The following BCAS1 variants were observed in gnomAD, a reference collection of about 807,000 sequenced individuals.
The protein encoded by BCAS1 is breast carcinoma-amplified sequence 1.
BCAS1 carries 46 observed loss-of-function variants against 65.4 expected under a neutral mutation model. The ratio of observed to expected loss-of-function variants is 0.70; its 90% confidence interval spans 0.55 to 0.90. The LOEUF is 0.90. BCAS1 is among the 40% of genes least tolerant of loss of function. The pLI is 0.00. For synonymous variants in BCAS1, 298 were observed against 293.5 expected (o/e 1.02, Z -0.16); for missense variants, 793 against 771.2 (o/e 1.03, Z -0.33).
chr20:53,960,824 A>T (rs2145578384), intron 10 of BCAS1, among the ~76,000 whole-genome samples: 1 of 152,324 alleles, frequency 6.6e-6, no homozygotes, highest in East Asian at 1.9e-4. Context: ...AACCATAAAC[A>T]TAGAAACTTA....
rs770834027 is a variant in BCAS1, at chr20:53,944,785, C to T, written c.*137G>A. The T allele has an allele frequency of 6.8e-5, 57 of 836,736 alleles. No individual in the cohort carries two copies. In the African/African-American group the frequency reaches 8.6e-4, roughly 13 times the overall value. The allele number at this position is 836,736 out of a possible 1,614,324, so 51.8% of individuals were successfully genotyped here. Reference sequence around the variant, plus strand: ...TAATACACCTCAATATACAACAGCTCGGGCTTAATTTCTAGGCAGAATTTC... The same window carrying T: ...TAATACACCTCAATATACAACAGCTTGGGCTTAATTTCTAGGCAGAATTTC... On this transcript the variant is annotated 3_prime_UTR_variant, in exon 13 of 13. Coordinates refer to ENST00000688948, the MANE Select transcript of BCAS1 (RefSeq NM_001366298.2).
Position 53,944,949 on chromosome 20 carries a change from G to A in BCAS1, c.1863C>T (p.Ser621=), listed in dbSNP as rs1422546804. The change falls in exon 13 of 13, where the codon TCC becomes TCT. Residue 621 remains serine, a synonymous_variant. Transcript: ENST00000688948. ...ACTTGGATTTGCCAACTGGTCCGAT[G>A]GATACTGGGTCTGTTTGCACTTGAG... ...LDAQVQTDPV[S]IGPVGKSK The A allele has an allele frequency of 1.2e-6, 2 of 1,613,962 alleles. No individual in the cohort carries two copies. The highest frequency in any genetic ancestry group is 2.2e-5 in the East Asian group (1 of 44,882).
At chr20:53,951,775 T>G (rs867830214) in intron 12 of BCAS1, among the ~76,000 whole-genome samples, 8 of 152,340 alleles carry the variant, frequency 5.3e-5, no homozygotes, top group Admixed American at 1.3e-4. Context: ...CATTCTTGCT[T>G]TACATCAACA....
chr20:54,021,280 A>G (rs989655801), intron 4 of BCAS1, among the ~76,000 whole-genome samples: 2 of 151,796 alleles, frequency 1.3e-5, no homozygotes, highest in African/African-American at 4.8e-5. Flanking sequence ...GTCCAATTCC[A>G]GGTCACTGCA....
intron 3 of BCAS1, among the ~76,000 whole-genome samples, chr20:54,036,179 T>C (rs1453146106): frequency 6.6e-6 from 1 of 150,732 alleles, no homozygotes; most frequent in Non-Finnish European, 1.5e-5. Flanking sequence ...CAAACCCCCA[T>C]GACACAAATT....
intron 1 of BCAS1, among the ~76,000 whole-genome samples, chr20:54,061,101 C>T (rs1029022271): frequency 6.6e-6 from 1 of 152,146 alleles, no homozygotes; most frequent in Non-Finnish European, 1.5e-5. Flanking sequence ...CTCATGTAGT[C>T]CTATAGCACT....
At chr20:54,068,278 T>A (rs1157618181) in intron 1 of BCAS1, 1 of 154,336 alleles carries the variant, frequency 6.5e-6, no homozygotes, top group African/African-American at 2.4e-5. Context: ...CGGATGGTAA[T>A]CCTAAAAATC....
chr20:54,028,729 G>A lies in BCAS1; in HGVS notation c.386C>T (p.Pro129Leu). The A allele has an allele frequency of 1.9e-6, 3 of 1,614,176 alleles. No homozygotes were observed. Among genetic ancestry groups the A allele is most frequent in the Non-Finnish European group, 1.7e-6 (2 of 1,180,028 alleles). Reference sequence around the variant, plus strand: ...GCTCTCACTTGGGTCTTTGTTCGCTGGAGCTTTATTGGAGCTGACATCAAG... The same window carrying A: ...GCTCTCACTTGGGTCTTTGTTCGCTAGAGCTTTATTGGAGCTGACATCAAG... ...VKLDVSSNKA[P>L]ANKDPSESWT... The change falls in exon 4 of 13, where the codon CCA becomes CTA. Residue 129 changes from proline to leucine, a missense_variant. Transcript: ENST00000688948.
intron 8 of BCAS1, among the ~76,000 whole-genome samples, chr20:53,981,146 CCT>C (rs1216629439): frequency 6.6e-6 from 1 of 152,092 alleles, no homozygotes; most frequent in Non-Finnish European, 1.5e-5. Flanking sequence ...CAGCATTTGC[CCT>C]GTTCCTAGTG....
intron 3 of BCAS1, among the ~76,000 whole-genome samples, chr20:54,035,179 G>A (rs2091875831): frequency 2.0e-5 from 3 of 150,960 alleles, no homozygotes; most frequent in Admixed American, 6.6e-5. Flanking sequence ...TTGGAAGGCC[G>A]AGGAGGGCGG....
At position 54,028,794 on chromosome 20, in the gene BCAS1, G is replaced by T. The variant is rs369178055; in HGVS notation, c.321C>A (p.Thr107=). 6.2e-7 allele frequency: 1 copy of T among 1,614,016 alleles called. No individual in the cohort carries two copies. The highest frequency in any genetic ancestry group is 1.7e-5 in the Admixed American group (1 of 60,000). The change falls in exon 4 of 13, where the codon ACC becomes ACA. Residue 107 remains threonine (T), a synonymous_variant. Coordinates refer to ENST00000688948, the MANE Select transcript of BCAS1 (RefSeq NM_001366298.2). ...GGGATGAATCTGCGGCTTGGTCTCC[G>T]GTACGTCCTGGTACAGGCCGAGAGA... The part of the protein sequence containing the change: ...LMLSRPVPGR[T]GDQAADSSLG...
intron 4 of BCAS1, among the ~76,000 whole-genome samples, chr20:54,022,213 A>C (rs1284766662): frequency 6.6e-6 from 1 of 152,078 alleles, no homozygotes; most frequent in Non-Finnish European, 1.5e-5. Flanking sequence ...GAACTCCCCT[A>C]CCTCTAGGGT....
In BCAS1 at chr20:54,028,184, C is replaced by G. The variant is rs534099835; in HGVS notation, c.723+208G>C. On this transcript the variant is annotated intron_variant, in intron 4 of 12. Transcript: ENST00000688948. ...CTTTTCTTTTACATAAAACAGATGCCACAGCTGTTATTGTTCTTCACACAG... is the reference window on the plus strand; with the variant it reads ...CTTTTCTTTTACATAAAACAGATGCGACAGCTGTTATTGTTCTTCACACAG... The G allele has an allele frequency of 1.3e-5, 8 of 598,906 alleles. No homozygotes were observed. In the East Asian group the frequency reaches 2.2e-4, roughly 17 times the overall value. 37.1% of individuals were successfully genotyped at this position (598,906 alleles called of 1,614,324 possible).
chr20:53,974,766 C>A (rs1047165762), intron 9 of BCAS1, among the ~76,000 whole-genome samples: 9 of 152,316 alleles, frequency 5.9e-5, no homozygotes, highest in African/African-American at 2.2e-4. Context: ...CTGGAAGCTA[C>A]GTTTTTGTGA....
chr20:54,028,384 AC>A lies in BCAS1; in HGVS notation c.723+7del. On this transcript the variant is annotated splice_region_variant and intron_variant, in intron 4 of 12. Transcript: ENST00000688948. ...CAGAACCAAGTGGATACACCTTGGC[AC>A]ACTTACCTTCCCTGCAGGGACATCA... 6.2e-7 allele frequency: 1 copy of A among 1,614,130 alleles called. No homozygotes were observed. Among genetic ancestry groups the A allele is most frequent in the Non-Finnish European group, 8.5e-7 (1 of 1,180,008 alleles).
chr20:54,056,859 T>C (rs1243758387), intron 3 of BCAS1, among the ~76,000 whole-genome samples: 5 of 152,216 alleles, frequency 3.3e-5, no homozygotes, highest in Admixed American at 3.3e-4. Flanking sequence ...TAGGAGCACT[T>C]ATTATCAGTC....
At chr20:53,969,964 G>C (rs1381950702) in intron 9 of BCAS1, among the ~76,000 whole-genome samples, 1 of 152,150 alleles carries the variant, frequency 6.6e-6, no homozygotes, top group African/African-American at 2.4e-5. Flanking sequence ...ATACTTTGGG[G>C]GTATAAAGTT....
intron 5 of BCAS1, 50 bp from the exon 6 acceptor site, chr20:53,995,106 G>A (rs753229902): frequency 6.7e-7 from 1 of 1,500,178 alleles, no homozygotes; most frequent in South Asian, 1.1e-5. Flanking sequence ...TCTTTAGAGT[G>A]ATTTTTATTT....
chr20:53,963,637 T>C (rs1368071861), intron 10 of BCAS1, among the ~76,000 whole-genome samples: 1 of 152,220 alleles, frequency 6.6e-6, no homozygotes, highest in East Asian at 1.9e-4. Context: ...ATCCAAAATT[T>C]GTCTGAAACG....
Sources: gnomAD v4.1 joint callset for allele counts (sites outside exome capture counted in the v4.1 genomes callset) on GRCh38, gnomAD v4.1.1 for gene constraint, MANE v1.5 for transcripts, NCBI Gene and HGNC (gene_info 2026-07-23, HGNC 2026-07-21) for gene names.